Variants in CTIF observed in about 807,000 individuals in gnomAD.
CTIF encodes CBP80/20-dependent translation initiation factor.
CTIF carries 21 observed loss-of-function variants against 66.0 expected under a neutral mutation model. The observed-to-expected ratio is 0.32, with a 90% CI of 0.23 to 0.46. The LOEUF (loss-of-function observed/expected upper bound fraction) is 0.46. Among genes scored for constraint, CTIF ranks in the 20% least tolerant of loss-of-function variants. The probability of loss-of-function intolerance (pLI) is 1.00; values close to 1 mark genes in which losing one functional copy is unlikely to be tolerated. For synonymous variants in CTIF, 345 were observed against 326.4 expected (o/e 1.06, Z -0.62); for missense variants, 739 against 812.7 (o/e 0.91, Z 1.10).
chr18:48,644,874 T>C (rs1281015474), intron 3 of CTIF, among the ~76,000 whole-genome samples: 4 of 152,224 alleles, frequency 2.6e-5, no homozygotes, highest in African/African-American at 4.8e-5. Flanking sequence ...GTTTAGGAGA[T>C]GTGCTTTCAG....
intron 1 of CTIF, among the ~76,000 whole-genome samples, chr18:48,612,405 A>G (rs757289127): frequency 1.7e-4 from 26 of 152,312 alleles, no homozygotes; most frequent in Admixed American, 3.9e-4. Context: ...TCTAGCCCCA[A>G]TTGTGCATTC....
chr18:48,792,938 T>C (rs1432530159), intron 9 of CTIF, among the ~76,000 whole-genome samples: 1 of 152,214 alleles, frequency 6.6e-6, no homozygotes, highest in African/African-American at 2.4e-5. Flanking sequence ...AGCTAATTTC[T>C]ATCCAGGTGG....
At chr18:48,753,627 A>C (rs979851615) in intron 7 of CTIF, among the ~76,000 whole-genome samples, 1 of 152,182 alleles carries the variant, frequency 6.6e-6, no homozygotes, top group African/African-American at 2.4e-5. Context: ...TATTTTCCTA[A>C]CAGCAGGTGT....
At chr18:48,621,313 T>G in intron 2 of CTIF, 1 of 159,132 alleles carries the variant, frequency 6.3e-6, no homozygotes, top group Non-Finnish European at 1.4e-5. Context: ...AGTGGAGATA[T>G]CCGGATAGGA....
At chr18:48,660,663 G>C (rs530641718) in intron 3 of CTIF, among the ~76,000 whole-genome samples, 2 of 152,240 alleles carry the variant, frequency 1.3e-5, no homozygotes, top group Non-Finnish European at 2.9e-5. Flanking sequence ...GGTTCCACCA[G>C]CTCTCTGCAC....
chr18:48,585,383 G>A (rs563140052), intron 1 of CTIF, among the ~76,000 whole-genome samples: 8 of 152,320 alleles, frequency 5.3e-5, no homozygotes, highest in African/African-American at 1.7e-4. Context: ...GATCCCCAAG[G>A]GTAGCAGTCT....
chr18:48,710,777 G>A (rs1415466764), intron 6 of CTIF, among the ~76,000 whole-genome samples: 1 of 152,126 alleles, frequency 6.6e-6, no homozygotes, highest in Non-Finnish European at 1.5e-5. Flanking sequence ...TGAAAAAGGA[G>A]CCTGGGCAAC....
At chr18:48,809,413 T>G (rs1020513100) in intron 9 of CTIF, among the ~76,000 whole-genome samples, 1 of 152,146 alleles carries the variant, frequency 6.6e-6, no homozygotes, top group African/African-American at 2.4e-5. Context: ...TTCCTGATAC[T>G]AAGTCATCCA....
intron 3 of CTIF, among the ~76,000 whole-genome samples, chr18:48,637,037 T>C (rs2144631244): frequency 6.6e-6 from 1 of 152,198 alleles, no homozygotes; most frequent in Admixed American, 6.5e-5. Flanking sequence ...GCACTGAGGG[T>C]TCAGGTACCG....
At chr18:48,593,642 A>G (rs1420490947) in intron 1 of CTIF, among the ~76,000 whole-genome samples, 2 of 151,912 alleles carry the variant, frequency 1.3e-5, no homozygotes, top group South Asian at 4.1e-4. Flanking sequence ...TCAGCCTCCC[A>G]AAGTGCTGGG....
intron 1 of CTIF, among the ~76,000 whole-genome samples, chr18:48,563,796 T>C (rs1306335247): frequency 1.3e-5 from 2 of 152,216 alleles, no homozygotes; most frequent in African/African-American, 4.8e-5. Flanking sequence ...TTGCTGTCTC[T>C]GTTTTCTCCT....
intron 9 of CTIF, among the ~76,000 whole-genome samples, chr18:48,770,574 C>T (rs374998763): frequency 1.1e-4 from 17 of 152,338 alleles, no homozygotes; most frequent in African/African-American, 4.1e-4. Context: ...GAGGGGAGAG[C>T]AAGACCAGCC....
intron 2 of CTIF, among the ~76,000 whole-genome samples, chr18:48,626,062 C>T (rs1483725707): frequency 1.5e-5 from 2 of 133,534 alleles, no homozygotes; most frequent in African/African-American, 2.9e-5. Context: ...AGTGTAGTGG[C>T]GCGATCTCAG....
intron 6 of CTIF, among the ~76,000 whole-genome samples, chr18:48,700,214 T>C (rs936921644): frequency 6.6e-6 from 1 of 152,244 alleles, no homozygotes; most frequent in African/African-American, 2.4e-5. Context: ...CCCCTGTACA[T>C]GCTCTCTTTC....
intron 10 of CTIF, among the ~76,000 whole-genome samples, chr18:48,840,447 C>T (rs1215391448): frequency 2.0e-5 from 3 of 152,178 alleles, no homozygotes; most frequent in African/African-American, 7.2e-5. Flanking sequence ...ATCATCTCGA[C>T]TTAGAAAAAG....
chr18:48,571,560 A>T (rs1040925791), intron 1 of CTIF, among the ~76,000 whole-genome samples: 1 of 152,216 alleles, frequency 6.6e-6, no homozygotes, highest in African/African-American at 2.4e-5. Flanking sequence ...CATTCTGAAA[A>T]TGCTATTTTG....
At chr18:48,773,195 C>A (rs1395341328) in intron 9 of CTIF, among the ~76,000 whole-genome samples, 1 of 152,184 alleles carries the variant, frequency 6.6e-6, no homozygotes, top group South Asian at 2.1e-4. Flanking sequence ...CAGTCCAACC[C>A]CCTCGTATTA....
At chr18:48,731,223 A>G (rs1286004525) in intron 7 of CTIF, among the ~76,000 whole-genome samples, 1 of 152,156 alleles carries the variant, frequency 6.6e-6, no homozygotes, top group African/African-American at 2.4e-5. Context: ...CACCTCCTGC[A>G]GCACCTTCTC....
In CTIF at chr18:48,677,185, G is replaced by A. The variant is rs535781895; in HGVS notation, c.507+6441G>A. Among the ~76,000 whole-genome samples the A allele has an allele frequency of 2.9e-4, 44 of 152,258 alleles. 1 individual carries two copies. The highest frequency in any genetic ancestry group is 2.4e-3 in the Admixed American group (36 of 15,304). On this transcript the variant is annotated intron_variant, in intron 6 of 11. Coordinates refer to ENST00000256413, the MANE Select transcript of CTIF (RefSeq NM_014772.3). ...GGCGTGAGGATTAGTAAAGTGCCCC[G>A]AGACACCCAGGAGCAGAGTCCTGAA...
Sources: allele counts gnomAD v4.1 joint callset (sites outside exome capture counted in the v4.1 genomes callset), GRCh38; gene constraint gnomAD v4.1.1; transcripts MANE v1.5; gene names NCBI Gene and HGNC (gene_info 2026-07-23, HGNC 2026-07-21).